The following GON4L variants were observed in gnomAD, a reference collection of about 807,000 sequenced individuals.
The protein encoded by GON4L is gon-4 like.
Under a neutral mutation model 211.8 loss-of-function variants are expected in GON4L, and 87 were observed. The observed-to-expected ratio is 0.41, with a 90% CI of 0.35 to 0.49. The LOEUF (loss-of-function observed/expected upper bound fraction) is 0.49. Ranked by LOEUF, GON4L falls within the 20% of genes least tolerant of loss-of-function variation. GON4L has a pLI of 0.15. For synonymous variants in GON4L, 875 were observed against 962.6 expected (o/e 0.91, Z 1.68); for missense variants, 2,155 against 2,659.5 (o/e 0.81, Z 4.17).
At chr1:155,833,625 A>G (rs1300523535) in intron 2 of GON4L, among the ~76,000 whole-genome samples, 225 of 130,130 alleles carry the variant, frequency 1.7e-3, no homozygotes, top group Non-Finnish European at 3.0e-3. Flanking sequence ...CAGCCTGGTC[A>G]ACAAAGCGAG....
intron 2 of GON4L, among the ~76,000 whole-genome samples, chr1:155,838,388 T>C (rs953546923): frequency 1.3e-5 from 2 of 152,210 alleles, no homozygotes; most frequent in Non-Finnish European, 2.9e-5. Context: ...AAAATGCCCA[T>C]GTGTTTAAGA....
rs201790243 is a variant in GON4L, at chr1:155,753,280, T to C, written c.5766A>G (p.Pro1922=). 157 of 1,613,730 alleles carry C rather than the reference T, an allele frequency of 9.7e-5. No homozygotes were observed. In the African/African-American group the frequency reaches 1.7e-3, roughly 18 times the overall value. The change falls in exon 29 of 32, where the codon CCA becomes CCG. Residue 1922 remains proline, a synonymous_variant. Coordinates refer to ENST00000368331, the MANE Select transcript of GON4L (RefSeq NM_001282860.2). ...TGGCCTCAGTGCTCTCCCGCTCCTCTGGGGCTTCCTCTTCCATCATATCCT... is the reference window on the plus strand; with the variant it reads ...TGGCCTCAGTGCTCTCCCGCTCCTCCGGGGCTTCCTCTTCCATCATATCCT... ...QGKDMMEEEA[P]EERESTEATQ... is the part of the protein sequence containing the mutation.
chr1:155,838,977 G>A (rs935022363), intron 2 of GON4L, among the ~76,000 whole-genome samples: 5 of 151,768 alleles, frequency 3.3e-5, no homozygotes, highest in African/African-American at 1.2e-4. Context: ...TAAAAACTGT[G>A]GAATGGTTCT....
intron 18 of GON4L, among the ~76,000 whole-genome samples, chr1:155,771,889 C>T (rs1316243437): frequency 2.0e-5 from 3 of 152,114 alleles, no homozygotes; most frequent in Admixed American, 6.6e-5. Context: ...TAAGGCCAGG[C>T]GCAATGGCTC....
Position 155,765,657 on chromosome 1 carries a change from T to C in GON4L, c.3816A>G (p.Pro1272=), listed in dbSNP as rs1045148306. The part of the protein sequence containing the change: ...FPKVEHSPGP[P]LADAECQEGL... Reference sequence around the variant, plus strand: ...CTTCTTGGCACTCTGCATCTGCTAGTGGAGGCCCTGGGCTATGTTCCACTT... The same window carrying C: ...CTTCTTGGCACTCTGCATCTGCTAGCGGAGGCCCTGGGCTATGTTCCACTT... The change falls in exon 21 of 32, where the codon CCA becomes CCG. Residue 1272 remains proline (P), a synonymous_variant. Coordinates refer to ENST00000368331, the MANE Select transcript of GON4L (RefSeq NM_001282860.2). 7 of 1,614,076 alleles carry C rather than the reference T, an allele frequency of 4.3e-6. No homozygotes were observed. The African/African-American group carries it at 5.3e-5, about 12-fold the overall frequency.
intron 2 of GON4L, among the ~76,000 whole-genome samples, chr1:155,852,104 G>A (rs1671846965): frequency 6.9e-6 from 1 of 144,678 alleles, no homozygotes; most frequent in South Asian, 2.2e-4. Flanking sequence ...GGTGGAGGTT[G>A]CAGTGAGCCA....
chr1:155,808,547 T>C (rs1274627822), intron 10 of GON4L, among the ~76,000 whole-genome samples: 1 of 152,192 alleles, frequency 6.6e-6, no homozygotes, highest in African/African-American at 2.4e-5. Flanking sequence ...GAGCACTTTT[T>C]CTCCCCAGAT....
At chr1:155,787,605 T>A (rs1665093255) in intron 12 of GON4L, among the ~76,000 whole-genome samples, 1 of 152,060 alleles carries the variant, frequency 6.6e-6, no homozygotes. Context: ...AAACCCCGTC[T>A]CTACTAAAAA....
chr1:155,831,708 A>T (rs1005933689), intron 2 of GON4L: 1 of 150,866 alleles, frequency 6.6e-6, no homozygotes, highest in Non-Finnish European at 1.5e-5. Context: ...AAAAAAAAAA[A>T]GCTGGGTGTG....
rs145360103 is a variant in GON4L at position 155,811,754 on chromosome 1, CAAAAAAAAAAAAA to C, written c.1452+1867_1452+1879del. On this transcript the variant is annotated intron_variant, in intron 10 of 31. Transcript: ENST00000368331. ...CTGGGAGACAGGCAAGACTCTGTCT[CAAAAAAAAAAAAA>C]AAAAAAAAAAAAGAAGGCTGGGCGC... Among the ~76,000 whole-genome samples, 4 of 33,048 alleles carry C rather than the reference CAAAAAAAAAAAAA, an allele frequency of 1.2e-4. No individual in the cohort carries two copies. The East Asian group carries it at 4.6e-3, about 38-fold the overall frequency. 21.7% of individuals were successfully genotyped at this position (33,048 alleles called of 152,430 possible).
At chr1:155,799,688 C>T (rs1320414004) in intron 11 of GON4L, among the ~76,000 whole-genome samples, 1 of 152,170 alleles carries the variant, frequency 6.6e-6, no homozygotes, top group Non-Finnish European at 1.5e-5. Flanking sequence ...TCCATACACT[C>T]TTCAATTCTG....
At chr1:155,841,278 A>G (rs941679100) in intron 2 of GON4L, among the ~76,000 whole-genome samples, 3 of 152,210 alleles carry the variant, frequency 2.0e-5, no homozygotes, top group African/African-American at 7.2e-5. Context: ...AAAACTATTC[A>G]ATTCCTCCAG....
chr1:155,832,582 T>C (rs1571893314), intron 2 of GON4L, among the ~76,000 whole-genome samples: 3 of 152,182 alleles, frequency 2.0e-5, no homozygotes, highest in Admixed American at 2.0e-4. Flanking sequence ...GAGGTTGTGG[T>C]GAGCCAAGAT....
chr1:155,768,365 C>T (rs1460678997), intron 19 of GON4L, among the ~76,000 whole-genome samples: 1 of 149,490 alleles, frequency 6.7e-6, no homozygotes, highest in East Asian at 2.0e-4. Flanking sequence ...AATCCCAGCA[C>T]TTTGGGAGGT....
chr1:155,853,950 AG>A, intron 1 of GON4L, 144 bp from the exon 2 acceptor site: 1 of 646,410 alleles, frequency 1.5e-6, no homozygotes, highest in Non-Finnish European at 2.7e-6. Context: ...GGAAGTTGAG[AG>A]ACAGTGGTTA....
intron 12 of GON4L, among the ~76,000 whole-genome samples, chr1:155,789,406 A>T (rs1442289431): frequency 6.6e-6 from 1 of 151,858 alleles, no homozygotes; most frequent in Admixed American, 6.6e-5. Flanking sequence ...CAGAGGTGGG[A>T]GGATCACGAG....
At chr1:155,747,086 A>T, downstream of GON4L, 3 of 1,606,406 alleles carry the variant, frequency 1.9e-6, no homozygotes, top group Non-Finnish European at 1.7e-6. Context: ...CTTTGCCTCT[A>T]AACTGCCTGG....
At chr1:155,789,924 AC>A (rs1480303056) in intron 12 of GON4L, among the ~76,000 whole-genome samples, 6 of 152,034 alleles carry the variant, frequency 3.9e-5, no homozygotes, top group Non-Finnish European at 8.8e-5. Context: ...TGCTTGTTAT[AC>A]CTTATTATTT....
At chr1:155,798,953 C>G (rs377011978) in intron 11 of GON4L, among the ~76,000 whole-genome samples, 2 of 152,108 alleles carry the variant, frequency 1.3e-5, no homozygotes, top group South Asian at 4.2e-4. Context: ...CTTTTAGTAC[C>G]CTGATTGTGG....
Sources: gnomAD v4.1 joint callset for allele counts (sites outside exome capture counted in the v4.1 genomes callset) on GRCh38, gnomAD v4.1.1 for gene constraint, MANE v1.5 for transcripts, NCBI Gene and HGNC (gene_info 2026-07-23, HGNC 2026-07-21) for gene names.